TRIM38: variants seen among roughly 807,000 people sequenced by gnomAD.
TRIM38 encodes E3 ubiquitin-protein ligase TRIM38.
In TRIM38, 35 loss-of-function variants were observed where a neutral mutation model predicts 35.8. That is an observed-to-expected ratio of 0.98 (90% CI 0.75 to 1.30). The LOEUF (loss-of-function observed/expected upper bound fraction) is 1.30, where lower values mean the gene tolerates loss of function less well. Among genes scored for constraint, TRIM38 ranks in the 50% most tolerant of loss-of-function variants. The probability of loss-of-function intolerance (pLI) is 0.00; values close to 1 mark genes in which losing one functional copy is unlikely to be tolerated. For synonymous variants in TRIM38, 198 were observed against 204.7 expected, an observed-to-expected ratio of 0.97 and a Z score of 0.28; for missense variants, 545 against 556.9, an observed-to-expected ratio of 0.98 and a Z score of 0.21.
At chr6:25,975,066 T>C (rs1369406616) in intron 7 of TRIM38, 1 of 942,582 alleles carries the variant, frequency 1.1e-6, no homozygotes, top group Admixed American at 6.2e-5. Flanking sequence ...AGAGTCTCGC[T>C]CTGTCGCCCA....
Position 25,991,131 on chromosome 6 carries a change from T to A in TRIM38, c.*7444T>A, listed in dbSNP as rs1291003530. 1 of 152,234 alleles carries A rather than the reference T, an allele frequency of 6.6e-6. No individual in the cohort carries two copies. Among genetic ancestry groups the A allele is most frequent in the Admixed American group, 6.5e-5 (1 of 15,278 alleles). The allele number at this position is 152,234 out of a possible 1,614,324, so 9.4% of individuals were successfully genotyped here. A position where few individuals can be genotyped will look rare whatever the true frequency, so the allele number is the denominator to read the frequency against. ...TCTTTTCTCCAAGACCTAAACTCCC[T>A]GAGGACAGGACTATTTTTTACATCT... On this transcript the variant is annotated 3_prime_UTR_variant, in exon 8 of 8. Transcript: ENST00000357085.
intron 2 of TRIM38, among the ~76,000 whole-genome samples, chr6:25,965,093 G>A (rs1485962942): frequency 2.0e-5 from 3 of 152,156 alleles, no homozygotes; most frequent in Admixed American, 6.6e-5. Flanking sequence ...GATTACAGGC[G>A]TGAGCCACCG....
chr6:25,968,965 T>C (rs1300001739), intron 3 of TRIM38, among the ~76,000 whole-genome samples: 1 of 152,222 alleles, frequency 6.6e-6, no homozygotes, highest in Non-Finnish European at 1.5e-5. Context: ...TATCCAACTT[T>C]TTCCTGGCAG....
At chr6:25,971,235 C>T (rs1760217511) in intron 4 of TRIM38, among the ~76,000 whole-genome samples, 1 of 152,142 alleles carries the variant, frequency 6.6e-6, no homozygotes, top group South Asian at 2.1e-4. Context: ...CACTCCTAAC[C>T]CAGCTTTCTC....
intron 7 of TRIM38, chr6:25,973,808 C>T (rs932170241): frequency 4.1e-6 from 4 of 985,274 alleles, no homozygotes; most frequent in Non-Finnish European, 4.8e-6. Context: ...ACAAATGTTA[C>T]AACCAATTTA....
chr6:25,983,993 A>G lies in TRIM38; in HGVS notation c.*306A>G. 4.1e-6 allele frequency: 1 copy of G among 242,632 alleles called. No individual in the cohort carries two copies. Among genetic ancestry groups the G allele is most frequent in the Non-Finnish European group, 7.9e-6 (1 of 126,126 alleles). The allele number at this position is 242,632 out of a possible 1,614,324, so 15.0% of individuals were successfully genotyped here. On this transcript the variant is annotated 3_prime_UTR_variant, in exon 8 of 8. Transcript: ENST00000357085. Reference sequence around the variant, plus strand: ...GGGTCTTCAGGTGATGAGTAGGGGTACCCACAAGTCAGAAGGTCTGCGTTC... The same window carrying G: ...GGGTCTTCAGGTGATGAGTAGGGGTGCCCACAAGTCAGAAGGTCTGCGTTC...
chr6:25,969,243 A>C (rs1389975811), intron 3 of TRIM38, 82 bp from the exon 4 acceptor site: 14 of 1,006,366 alleles, frequency 1.4e-5, no homozygotes, highest in Non-Finnish European at 2.1e-5. Flanking sequence ...ATTCAAATAT[A>C]TCTTAGAAGA....
At chr6:25,975,299 TC>T in intron 7 of TRIM38, 1 of 238,566 alleles carries the variant, frequency 4.2e-6, no homozygotes, top group Non-Finnish European at 6.8e-6. Flanking sequence ...AGCCTCTGCC[TC>T]CTGGGTTCCA....
chr6:25,990,606 T>C lies in TRIM38; in HGVS notation c.*6919T>C, dbSNP rs915311051. On this transcript the variant is annotated 3_prime_UTR_variant, in exon 8 of 8. Transcript: ENST00000357085. Reference sequence around the variant, plus strand: ...GGCTTGAGCCACCATGCCTCGCTTCTACACTTATTTTTAATTCTAAAATAA... The same window carrying C: ...GGCTTGAGCCACCATGCCTCGCTTCCACACTTATTTTTAATTCTAAAATAA... 6.6e-6 allele frequency: 1 copy of C among 152,074 alleles called. No individual in the cohort carries two copies. The highest frequency in any genetic ancestry group is 2.4e-5 in the African/African-American group (1 of 41,436). The allele number at this position is 152,074 out of a possible 1,614,324, so 9.4% of individuals were successfully genotyped here. A position where few individuals can be genotyped will look rare whatever the true frequency, so the allele number is the denominator to read the frequency against.
rs1760659271 is a variant in TRIM38 at position 25,984,494 on chromosome 6, G to C, written c.*807G>C. On this transcript the variant is annotated 3_prime_UTR_variant, in exon 8 of 8. Coordinates refer to ENST00000357085, the MANE Select transcript of TRIM38 (RefSeq NM_006355.5). The stretch of plus-strand genomic sequence containing the variant: ...AGACCAAATTACCATACCCGAGTGA[G>C]TAATGACAGGACTACAACTAAAACA... The C allele has an allele frequency of 1.3e-5, 2 of 152,284 alleles. No individual in the cohort carries two copies. The highest frequency in any genetic ancestry group is 1.3e-4 in the Admixed American group (2 of 15,280). The allele number at this position is 152,284 out of a possible 1,614,324, so 9.4% of individuals were successfully genotyped here.
intron 3 of TRIM38, among the ~76,000 whole-genome samples, chr6:25,967,516 T>A (rs1760092271): frequency 6.9e-6 from 1 of 145,216 alleles, no homozygotes; most frequent in South Asian, 2.2e-4. Context: ...ATCACTCTGG[T>A]ACCTCTACTT....
intron 7 of TRIM38, chr6:25,973,606 T>G (rs961578522): frequency 1.0e-6 from 1 of 976,892 alleles, no homozygotes; most frequent in Non-Finnish European, 1.2e-6. Context: ...CAAAATTAAA[T>G]GCATCAACAT....
At chr6:25,979,641 CT>C (rs954205576) in intron 7 of TRIM38, among the ~76,000 whole-genome samples, 493 of 150,690 alleles carry the variant, frequency 3.3e-3, no homozygotes, top group African/African-American at 0.011. Context: ...AAGAAGCTAC[CT>C]TTTTTTTTGT....
chr6:25,973,223 A>G lies in TRIM38; in HGVS notation c.812A>G (p.His271Arg). 6.2e-7 allele frequency: 1 copy of G among 1,614,174 alleles called. No individual in the cohort carries two copies. Among genetic ancestry groups the G allele is most frequent in the East Asian group, 2.2e-5 (1 of 44,884 alleles). ...ETSEAVSLELHTMCNVSKLYF... is the reference protein window; with the variant it reads ...ETSEAVSLELRTMCNVSKLYF... The stretch of plus-strand genomic sequence containing the variant: ...TCAGAGGCTGTCTCCTTGGAACTTC[A>G]TACTATGTGCAATGTTTCCAAGCTT... Residue 271 changes from histidine to arginine, a missense_variant, in exon 7 of 8, where the codon CAT becomes CGT. Transcript: ENST00000357085.
chr6:25,988,484 TTTC>T lies in TRIM38; in HGVS notation c.*4800_*4802del, dbSNP rs1351064694. The T allele has an allele frequency of 1.1e-5, 1 of 91,940 alleles. No individual in the cohort carries two copies. Among genetic ancestry groups the T allele is most frequent in the Non-Finnish European group, 2.0e-5 (1 of 50,032 alleles). 5.7% of individuals were successfully genotyped at this position (91,940 alleles called of 1,614,324 possible). ...GTTTCTTTTCTTTTTCTTTTTCTTT[TTTC>T]TTTTCTTTCTTTTTTTTTTTTTTTT... is the stretch of plus-strand genomic sequence containing the variant. On this transcript the variant is annotated 3_prime_UTR_variant, in exon 8 of 8. Transcript: ENST00000357085.
At chr6:25,979,577 C>T (rs1201850687) in intron 7 of TRIM38, among the ~76,000 whole-genome samples, 1 of 151,586 alleles carries the variant, frequency 6.6e-6, no homozygotes, top group African/African-American at 2.4e-5. Flanking sequence ...TGCCTTCTGT[C>T]TTACTTTGAT....
At chr6:25,975,192 C>G in intron 7 of TRIM38, 2 of 946,130 alleles carry the variant, frequency 2.1e-6, no homozygotes, top group Non-Finnish European at 2.5e-6. Context: ...CTCTTAAACA[C>G]TGTTTATTAA....
rs1037954233 is a variant in TRIM38, at chr6:25,975,595, A to T, written c.874+2310A>T. On this transcript the variant is annotated intron_variant, in intron 7 of 7. Coordinates refer to ENST00000357085, the MANE Select transcript of TRIM38 (RefSeq NM_006355.5). ...GCCTTCAAGCAGATGCAACAAATACATTTTAATCAGTCAAACAATATAAAG... is the reference window on the plus strand; with the variant it reads ...GCCTTCAAGCAGATGCAACAAATACTTTTTAATCAGTCAAACAATATAAAG... The T allele has an allele frequency of 3.1e-6, 3 of 981,416 alleles. No homozygotes were observed. The African/African-American group carries it at 5.3e-5, about 17-fold the overall frequency. 60.8% of individuals were successfully genotyped at this position (981,416 alleles called of 1,614,324 possible).
In TRIM38 at chr6:25,986,298, G is replaced by A. The variant is rs1760705830; in HGVS notation, c.*2611G>A. ...TCCTGTCACTTTGGGAGGCTGAGAT[G>A]GGAGGATCACTTGAGGCTAGGAGTT... On this transcript the variant is annotated 3_prime_UTR_variant, in exon 8 of 8. Coordinates refer to ENST00000357085, the MANE Select transcript of TRIM38 (RefSeq NM_006355.5). 1 of 152,174 alleles carries A rather than the reference G, an allele frequency of 6.6e-6. No individual in the cohort carries two copies. Among genetic ancestry groups the A allele is most frequent in the South Asian group, 2.1e-4 (1 of 4,832 alleles). 9.4% of individuals were successfully genotyped at this position (152,174 alleles called of 1,614,324 possible). A position where few individuals can be genotyped will look rare whatever the true frequency, so the allele number is the denominator to read the frequency against.
Sources: gnomAD v4.1 joint callset for allele counts (sites outside exome capture counted in the v4.1 genomes callset) on GRCh38, gnomAD v4.1.1 for gene constraint, MANE v1.5 for transcripts, NCBI Gene and HGNC (gene_info 2026-07-23, HGNC 2026-07-21) for gene names.